Variants in APBA2 observed in about 807,000 individuals in gnomAD.
The protein encoded by APBA2 is amyloid-beta A4 precursor protein-binding family A member 2.
In APBA2, 30 loss-of-function variants were observed where a neutral mutation model predicts 75.0. That is an observed-to-expected ratio of 0.40 (90% confidence interval 0.30 to 0.54). The LOEUF is 0.54. APBA2 is among the 20% of genes least tolerant of loss of function. APBA2 has a pLI of 0.49. For synonymous variants in APBA2, 444 were observed against 409.6 expected (o/e 1.08, Z -1.01); for missense variants, 801 against 1,016.1 (o/e 0.79, Z 2.88).
intron 2 of APBA2, among the ~76,000 whole-genome samples, chr15:28,950,291 A>T (rs1278927644): frequency 6.6e-6 from 1 of 152,140 alleles, no homozygotes; most frequent in South Asian, 2.1e-4. Context: ...GTTGACCCCG[A>T]TCAGCTGGCT....
chr15:29,103,993 G>GAACCGGCAAGTCCTGGA (rs1189501167), intron 10 of APBA2, among the ~76,000 whole-genome samples: 2 of 152,242 alleles, frequency 1.3e-5, no homozygotes, highest in Non-Finnish European at 2.9e-5. Flanking sequence ...CTGGGCGTGG[G>GAACCGGCAAGTCCTGGA]AACCGGCAAG....
chr15:29,005,473 A>C (rs542810896), intron 3 of APBA2, among the ~76,000 whole-genome samples: 45 of 152,004 alleles, frequency 3.0e-4, no homozygotes, highest in African/African-American at 1.0e-3. Context: ...TGTTGCCCAG[A>C]CTGGTCTTAA....
chr15:28,955,731 G>A (rs1309374672), intron 2 of APBA2, among the ~76,000 whole-genome samples: 2 of 148,024 alleles, frequency 1.4e-5, no homozygotes, highest in Non-Finnish European at 2.9e-5. Context: ...CATTAGAAAG[G>A]GTGTTCATCA....
intron 3 of APBA2, among the ~76,000 whole-genome samples, chr15:29,027,011 T>A (rs2040255350): frequency 6.6e-6 from 1 of 152,242 alleles, no homozygotes; most frequent in South Asian, 2.1e-4. Flanking sequence ...ATTTTAATGG[T>A]ATGATACATT....
chr15:28,942,537 G>A (rs1401620866), intron 2 of APBA2, among the ~76,000 whole-genome samples: 3 of 152,202 alleles, frequency 2.0e-5, no homozygotes, highest in Non-Finnish European at 2.9e-5. Flanking sequence ...TTTCTTGGGG[G>A]AGGAACTCGG....
At chr15:29,062,939 T>G (rs1408906678) in intron 4 of APBA2, among the ~76,000 whole-genome samples, 2 of 96,118 alleles carry the variant, frequency 2.1e-5, no homozygotes, top group African/African-American at 3.9e-5. Context: ...TCTGTATGGG[T>G]GGGGAGGGGA....
intron 2 of APBA2, among the ~76,000 whole-genome samples, chr15:28,975,078 TA>T (rs965474899): frequency 3.3e-5 from 5 of 152,144 alleles, no homozygotes; most frequent in African/African-American, 1.2e-4. Context: ...AGAGCATATT[TA>T]AAAAAATCAT....
rs531948059 is a variant in APBA2 at position 29,114,618 on chromosome 15, C to CA, written c.2178+603dup. 3.6e-4 allele frequency among the ~76,000 whole-genome samples: 55 copies of CA among 150,944 alleles called. No individual in the cohort carries two copies. In the South Asian group the frequency reaches 0.011, roughly 31 times the overall value. ...TAGTGTGAGCGAGTGTGGGTGTGTG[C>CA]ATGTGGATGTGTGAGAGCATGGGTG... On this transcript the variant is annotated intron_variant, in intron 14 of 14. Coordinates refer to ENST00000683413, the MANE Select transcript of APBA2 (RefSeq NM_001353788.2).
rs565611057 is a variant in APBA2 at position 29,099,842 on chromosome 15, C to T, written c.1338+1266C>T. 1.1e-4 allele frequency among the ~76,000 whole-genome samples: 16 copies of T among 152,342 alleles called. 1 individual carries two copies. The Middle Eastern group carries it at 0.01, about 97-fold the overall frequency. ...TAGCCTTAAACAAGTTCCTGAACATCTCTGAACCTCCTAATACCCACAGCC... is the reference window on the plus strand; with the variant it reads ...TAGCCTTAAACAAGTTCCTGAACATTTCTGAACCTCCTAATACCCACAGCC... On this transcript the variant is annotated intron_variant, in intron 9 of 14. Coordinates refer to ENST00000683413, the MANE Select transcript of APBA2 (RefSeq NM_001353788.2).
chr15:29,010,041 C>T (rs985330402), intron 3 of APBA2, among the ~76,000 whole-genome samples: 4 of 152,192 alleles, frequency 2.6e-5, no homozygotes, highest in African/African-American at 9.6e-5. Context: ...GTTTCATTTG[C>T]TCCACATCCT....
intron 1 of APBA2, among the ~76,000 whole-genome samples, chr15:28,901,908 A>ATGTGTGTGTGTGTGGGTGTG (rs2032881504): frequency 1.5e-5 from 1 of 67,378 alleles, no homozygotes; most frequent in Non-Finnish European, 2.7e-5. Flanking sequence ...GGAGCTTTTG[A>ATGTGTGTGTGTGTGGGTGTG]TGTGTGTGTG....
intron 2 of APBA2, among the ~76,000 whole-genome samples, chr15:28,937,577 A>C (rs1018614906): frequency 6.6e-5 from 10 of 152,196 alleles, no homozygotes; most frequent in African/African-American, 2.2e-4. Context: ...GTGCCTGGTC[A>C]CTAGAGTTAG....
intron 2 of APBA2, among the ~76,000 whole-genome samples, chr15:28,979,978 T>G (rs550864813): frequency 6.6e-6 from 1 of 152,352 alleles, no homozygotes; most frequent in African/African-American, 2.4e-5. Context: ...AGAAAATTTA[T>G]TTTTGAAAGC....
At chr15:28,961,607 G>GAC (rs376371963) in intron 2 of APBA2, 4 of 152,316 alleles carry the variant, frequency 2.6e-5, no homozygotes, top group African/African-American at 9.6e-5. Flanking sequence ...AGCTGCAGGG[G>GAC]ACTCCTGGTG....
intron 3 of APBA2, among the ~76,000 whole-genome samples, chr15:29,021,191 A>G (rs1292676339): frequency 6.6e-6 from 1 of 152,190 alleles, no homozygotes; most frequent in Non-Finnish European, 1.5e-5. Flanking sequence ...AAAATATGAA[A>G]GGAATTAATT....
chr15:29,017,998 G>A (rs1000681302), intron 3 of APBA2, among the ~76,000 whole-genome samples: 1 of 152,058 alleles, frequency 6.6e-6, no homozygotes, highest in East Asian at 1.9e-4. Flanking sequence ...GTGAGCCGTG[G>A]TTGTTAATTC....
intron 2 of APBA2, among the ~76,000 whole-genome samples, chr15:28,962,242 T>G (rs1460429052): frequency 1.3e-5 from 2 of 152,084 alleles, no homozygotes; most frequent in Non-Finnish European, 2.9e-5. Context: ...TTCCTTGTCT[T>G]TAAAAAATTA....
rs891213203 is a variant in APBA2 at position 29,035,699 on chromosome 15, C to T, written c.-40-18146C>T. 2.5e-4 allele frequency among the ~76,000 whole-genome samples: 38 copies of T among 152,234 alleles called. No individual in the cohort carries two copies. In the East Asian group the frequency reaches 2.7e-3, roughly 11 times the overall value. ...TTCCACGTTCGAAGCAGGGGTTCTC[C>T]GTGACGTGCGGGCCCTGGACCAGCA... On this transcript the variant is annotated intron_variant, in intron 3 of 14. Coordinates refer to ENST00000683413, the MANE Select transcript of APBA2 (RefSeq NM_001353788.2).
intron 2 of APBA2, among the ~76,000 whole-genome samples, chr15:28,935,517 G>A (rs1306530152): frequency 6.6e-6 from 1 of 152,200 alleles, no homozygotes; most frequent in African/African-American, 2.4e-5. Context: ...ACGCTAGGGG[G>A]CGAACAGAGG....
Sources: allele counts gnomAD v4.1 joint callset (sites outside exome capture counted in the v4.1 genomes callset), GRCh38; gene constraint gnomAD v4.1.1; transcripts MANE v1.5; gene names NCBI Gene and HGNC (gene_info 2026-07-23, HGNC 2026-07-21).